TNFAIP8L3: variants seen among roughly 807,000 people sequenced by gnomAD.
TNFAIP8L3 encodes tumor necrosis factor alpha-induced protein 8-like protein 3.
Under a neutral mutation model 11.8 loss-of-function variants are expected in TNFAIP8L3, and 7 were observed. That is an observed-to-expected ratio of 0.59 (90% CI 0.34 to 1.11). The LOEUF (loss-of-function observed/expected upper bound fraction) is 1.11. Among genes scored for constraint, TNFAIP8L3 ranks in the 50% most tolerant of loss-of-function variants. TNFAIP8L3 has a pLI of 0.03. For missense variants in TNFAIP8L3, 219 were observed against 258.6 expected, an observed-to-expected ratio of 0.85 and a Z score of 1.05; for synonymous variants, 98 against 103.8, an observed-to-expected ratio of 0.94 and a Z score of 0.34.
chr15:51,071,050 C>CAAAAAA (rs55991711), intron 1 of TNFAIP8L3, among the ~76,000 whole-genome samples: 5 of 31,790 alleles, frequency 1.6e-4, no homozygotes, highest in African/African-American at 2.5e-4. Context: ...GACTCCGTCT[C>CAAAAAA]AAAAAAAAAA....
At chr15:51,091,536 G>C (rs1039985676) in intron 1 of TNFAIP8L3, among the ~76,000 whole-genome samples, 1 of 152,142 alleles carries the variant, frequency 6.6e-6, no homozygotes, top group Non-Finnish European at 1.5e-5. Context: ...ACTGAGTAAG[G>C]GGTTCTGTTT....
At chr15:51,061,893 T>C (rs929842461) in intron 1 of TNFAIP8L3, among the ~76,000 whole-genome samples, 14 of 152,148 alleles carry the variant, frequency 9.2e-5, no homozygotes, top group African/African-American at 3.4e-4. Flanking sequence ...TGAGGTATGG[T>C]GTCTTACCAA....
chr15:51,104,930 G>A (rs570149971), intron 1 of TNFAIP8L3: 13 of 1,586,516 alleles, frequency 8.2e-6, no homozygotes, highest in East Asian at 4.5e-5. Context: ...TCCTCAGCTC[G>A]CCACCTTGCA....
At position 51,057,956 on chromosome 15, in the gene TNFAIP8L3, C is replaced by T; in HGVS notation, c.540G>A (p.Leu180=). ...TGAGGTTGGGCCTACAGTCTCCATCCAGACTATAGAGGGTGGAGAGGAACT... is the reference window on the plus strand; with the variant it reads ...TGAGGTTGGGCCTACAGTCTCCATCTAGACTATAGAGGGTGGAGAGGAACT... ...DVEFLSTLYS[L]DGDCRPNLKR... Residue 180 remains leucine (L), a synonymous_variant, in exon 2 of 2, where the codon CTG becomes CTA. Coordinates refer to ENST00000637513, the MANE Select transcript of TNFAIP8L3 (RefSeq NM_001311175.2). The T allele has an allele frequency of 1.9e-6, 3 of 1,613,740 alleles. No homozygotes were observed. Among genetic ancestry groups the T allele is most frequent in the Non-Finnish European group, 1.7e-6 (2 of 1,179,886 alleles).
intron 1 of TNFAIP8L3, among the ~76,000 whole-genome samples, chr15:51,079,031 T>A (rs2065374333): frequency 6.6e-6 from 1 of 152,108 alleles, no homozygotes; most frequent in Non-Finnish European, 1.5e-5. Flanking sequence ...CTTGAGGGGA[T>A]TCCCATAACC....
chr15:51,063,070 A>T (rs2065250464), intron 1 of TNFAIP8L3, among the ~76,000 whole-genome samples: 1 of 152,138 alleles, frequency 6.6e-6, no homozygotes, highest in Non-Finnish European at 1.5e-5. Flanking sequence ...CGTTCCCTGG[A>T]GCCTCCAGGA....
Position 51,094,612 on chromosome 15 carries a change from T to G in TNFAIP8L3, c.-17A>C. Reference sequence around the variant, plus strand: ...CGAATCCATGCTGCGGGCTGCTGGCTGGGCGTCCACGGCCACCCGCCCGTC... The same window carrying G: ...CGAATCCATGCTGCGGGCTGCTGGCGGGGCGTCCACGGCCACCCGCCCGTC... On this transcript the variant is annotated 5_prime_UTR_variant, in exon 1 of 2. Transcript: ENST00000637513. This position sits in a 1 kb window ranked among gnomAD's most constrained non-coding sequence, Gnocchi z 4.4. 6.8e-7 allele frequency: 1 copy of G among 1,469,242 alleles called. No homozygotes were observed. The highest frequency in any genetic ancestry group is 9.0e-7 in the Non-Finnish European group (1 of 1,113,450). 91.0% of individuals were successfully genotyped at this position (1,469,242 alleles called of 1,614,324 possible).
intron 1 of TNFAIP8L3, among the ~76,000 whole-genome samples, chr15:51,104,623 C>T (rs911531832): frequency 6.6e-6 from 1 of 152,226 alleles, no homozygotes; most frequent in Non-Finnish European, 1.5e-5. Context: ...TTAAGGCTGT[C>T]TCCTCCCTGC....
chr15:51,079,099 T>C (rs1466363638), intron 1 of TNFAIP8L3, among the ~76,000 whole-genome samples: 1 of 152,234 alleles, frequency 6.6e-6, no homozygotes, highest in Admixed American at 6.5e-5. Flanking sequence ...AACTGACATC[T>C]GTCTTCTCTT....
intron 1 of TNFAIP8L3, among the ~76,000 whole-genome samples, chr15:51,061,684 T>A (rs926237572): frequency 6.6e-6 from 1 of 152,174 alleles, no homozygotes; most frequent in South Asian, 2.1e-4. Flanking sequence ...AAAGGATGCA[T>A]ATGAATTTAA....
chr15:51,065,720 AGT>A (rs528096893), intron 1 of TNFAIP8L3, among the ~76,000 whole-genome samples: 41 of 152,278 alleles, frequency 2.7e-4, no homozygotes, highest in African/African-American at 9.6e-4. Context: ...TTCTCTAAGG[AGT>A]GTGTGGAAAA....
intron 1 of TNFAIP8L3, among the ~76,000 whole-genome samples, chr15:51,075,641 A>G (rs999399647): frequency 2.6e-5 from 4 of 152,256 alleles, no homozygotes; most frequent in Non-Finnish European, 4.4e-5. Context: ...CCATGGGAGC[A>G]TGCCAACACC....
chr15:51,091,707 C>T (rs1373317249), intron 1 of TNFAIP8L3, among the ~76,000 whole-genome samples: 3 of 151,774 alleles, frequency 2.0e-5, no homozygotes, highest in African/African-American at 7.3e-5. Context: ...CACACACACA[C>T]ACACACACAC....
chr15:51,071,050 C>CAAAAA (rs55991711), intron 1 of TNFAIP8L3, among the ~76,000 whole-genome samples: 10 of 31,764 alleles, frequency 3.1e-4, no homozygotes, highest in East Asian at 1.2e-3. Flanking sequence ...GACTCCGTCT[C>CAAAAA]AAAAAAAAAA....
upstream of TNFAIP8L3, among the ~76,000 whole-genome samples, chr15:51,099,148 G>C (rs2065532929): frequency 1.3e-5 from 2 of 152,250 alleles, no homozygotes; most frequent in Admixed American, 6.5e-5. Context: ...TGGGTTATTT[G>C]AGTTCATTCT....
chr15:51,058,490 G>C (rs751552569), intron 1 of TNFAIP8L3, 47 bp from the exon 2 acceptor site: 3 of 1,397,322 alleles, frequency 2.1e-6, no homozygotes, highest in South Asian at 1.5e-5. Flanking sequence ...TATAAGAACT[G>C]TCTGTTACTT....
upstream of TNFAIP8L3, among the ~76,000 whole-genome samples, chr15:51,095,816 G>A (rs2065510077): frequency 6.6e-6 from 1 of 152,100 alleles, no homozygotes; most frequent in Admixed American, 6.5e-5. Context: ...GCCTCAAGCT[G>A]GGTTCTCTGC....
rs201800961 is a variant in TNFAIP8L3, at chr15:51,085,621, C to CT, written c.52+8922dup. ...CTCAATACCTGGAATAGCTCCGATT[C>CT]TTTTTTTTTTTTTTTTAATTACATG... is the stretch of plus-strand genomic sequence containing the variant. On this transcript the variant is annotated intron_variant, in intron 1 of 1. Coordinates refer to ENST00000637513, the MANE Select transcript of TNFAIP8L3 (RefSeq NM_001311175.2). Among the ~76,000 whole-genome samples, 1,345 of 140,332 alleles carry CT rather than the reference C, an allele frequency of 9.6e-3. 15 individuals carry two copies. Among genetic ancestry groups the CT allele is most frequent in the African/African-American group, 0.025 (957 of 37,714 alleles). The allele number at this position is 140,332 out of a possible 152,430, so 92.1% of individuals were successfully genotyped here. A position where few individuals can be genotyped will look rare whatever the true frequency, so the allele number is the denominator to read the frequency against.
intron 1 of TNFAIP8L3, among the ~76,000 whole-genome samples, chr15:51,061,144 T>C (rs2065240472): frequency 6.6e-6 from 1 of 152,144 alleles, no homozygotes; most frequent in South Asian, 2.1e-4. Flanking sequence ...AAAAAAATAA[T>C]AATTAATTCA....
Sources: gnomAD v4.1 joint callset for allele counts (sites outside exome capture counted in the v4.1 genomes callset) on GRCh38, gnomAD v4.1.1 for gene constraint, Gnocchi (gnomAD v3.1) non-coding constraint, MANE v1.5 for transcripts, NCBI Gene and HGNC (gene_info 2026-07-23, HGNC 2026-07-21) for gene names.